TRAPPC9: variants seen among roughly 807,000 people sequenced by gnomAD.
TRAPPC9 encodes the protein IKK2 binding protein.
A neutral mutation model predicts 124.0 loss-of-function variants in TRAPPC9; 83 were observed. That is an observed-to-expected ratio of 0.67 (90% CI 0.56 to 0.80). The LOEUF is 0.80. Among genes scored for constraint, TRAPPC9 ranks in the 30% least tolerant of loss-of-function variants. The pLI, the probability that TRAPPC9 is intolerant of heterozygous loss-of-function variation, is 0.00. For synonymous variants in TRAPPC9, 638 were observed against 617.5 expected, an observed-to-expected ratio of 1.03 and a Z score of -0.49; for missense variants, 1,302 against 1,508.3, an observed-to-expected ratio of 0.86 and a Z score of 2.27.
intron 21 of TRAPPC9, among the ~76,000 whole-genome samples, chr8:139,796,651 A>G (rs1370782619): frequency 3.9e-5 from 6 of 152,224 alleles, no homozygotes; most frequent in Non-Finnish European, 8.8e-5. Context: ...TTATCCATTC[A>G]GCAGCTGATG....
chr8:139,796,067 G>A (rs1195395939), intron 21 of TRAPPC9, among the ~76,000 whole-genome samples: 1 of 124,866 alleles, frequency 8.0e-6, no homozygotes, highest in Non-Finnish European at 1.5e-5. Context: ...AGAGGAAGAA[G>A]AGGAGGAGGA....
intron 17 of TRAPPC9, among the ~76,000 whole-genome samples, chr8:140,051,576 C>CTTTTTTTTTTT (rs1197128988): frequency 1.9e-4 from 17 of 88,004 alleles, no homozygotes; most frequent in East Asian, 3.5e-4. Context: ...ATTGTTCATT[C>CTTTTTTTTTTT]TTTTTTTTTT....
intron 16 of TRAPPC9, among the ~76,000 whole-genome samples, chr8:140,224,508 G>C (rs1335036023): frequency 6.6e-6 from 1 of 152,176 alleles, no homozygotes; most frequent in Non-Finnish European, 1.5e-5. Context: ...GTTCCCCATG[G>C]AGAGTGGATA....
chr8:140,419,422 C>T (rs1327410461), intron 5 of TRAPPC9, among the ~76,000 whole-genome samples: 3 of 109,120 alleles, frequency 2.7e-5, no homozygotes, highest in African/African-American at 1.1e-4. Flanking sequence ...GAGTGAGACT[C>T]CGTCTCAAAA....
intron 17 of TRAPPC9, among the ~76,000 whole-genome samples, chr8:140,132,330 G>A (rs1388583878): frequency 6.6e-6 from 1 of 152,208 alleles, no homozygotes; most frequent in Non-Finnish European, 1.5e-5. Flanking sequence ...CCGAAACCAC[G>A]TAAGACTTCA....
intron 15 of TRAPPC9, 105 bp downstream of exon 15, chr8:140,275,538 GACTTCAACTGAATCC>G: frequency 8.8e-7 from 1 of 1,141,698 alleles, no homozygotes; most frequent in Non-Finnish European, 1.3e-6. Flanking sequence ...GACTTCTACT[GACTTCAACTGAATCC>G]ACAAAGAAGT....
chr8:139,770,969 C>G (rs2130442196), intron 21 of TRAPPC9, among the ~76,000 whole-genome samples: 1 of 152,252 alleles, frequency 6.6e-6, no homozygotes, highest in East Asian at 1.9e-4. Context: ...CGCAGGAGTC[C>G]CTGGACAAGT....
At chr8:140,217,575 C>T (rs2063225632) in intron 17 of TRAPPC9, among the ~76,000 whole-genome samples, 1 of 150,126 alleles carries the variant, frequency 6.7e-6, no homozygotes, top group Non-Finnish European at 1.5e-5. Context: ...AAATATACCC[C>T]CTACAGCTGT....
At chr8:139,923,614 C>G (rs918999980) in intron 19 of TRAPPC9, among the ~76,000 whole-genome samples, 1 of 152,094 alleles carries the variant, frequency 6.6e-6, no homozygotes. Flanking sequence ...GCTTCCCTGA[C>G]GAAGCACGTC....
intron 1 of TRAPPC9, among the ~76,000 whole-genome samples, chr8:140,453,460 T>C (rs894196451): frequency 1.9e-5 from 2 of 106,378 alleles, no homozygotes; most frequent in Non-Finnish European, 4.2e-5. Context: ...GAAATTCTAA[T>C]GGCAAGCTTC....
intron 7 of TRAPPC9, among the ~76,000 whole-genome samples, chr8:140,374,395 C>A (rs1275826275): frequency 1.3e-5 from 2 of 152,122 alleles, no homozygotes; most frequent in Admixed American, 6.6e-5. Flanking sequence ...CATGGAGAAA[C>A]CCCGTCTCTA....
intron 9 of TRAPPC9, among the ~76,000 whole-genome samples, chr8:140,315,122 T>C (rs944368973): frequency 2.6e-5 from 4 of 152,262 alleles, no homozygotes; most frequent in Admixed American, 6.5e-5. Flanking sequence ...TTTTTGATAA[T>C]AGGTATTCCA....
At chr8:139,938,940 C>T (rs966099351) in intron 19 of TRAPPC9, among the ~76,000 whole-genome samples, 6 of 152,346 alleles carry the variant, frequency 3.9e-5, no homozygotes, top group East Asian at 1.9e-4. Context: ...CCACCGCGCC[C>T]GGCCCCGATT....
chr8:140,407,541 AGT>A (rs2069537403), intron 5 of TRAPPC9, among the ~76,000 whole-genome samples: 1 of 152,120 alleles, frequency 6.6e-6, no homozygotes. Context: ...AGAAGGAACA[AGT>A]GCTCCCTCCA....
At chr8:139,859,264 G>A (rs976034846) in intron 21 of TRAPPC9, among the ~76,000 whole-genome samples, 2 of 151,846 alleles carry the variant, frequency 1.3e-5, no homozygotes, top group Admixed American at 1.3e-4. Flanking sequence ...CTCCTGGCTC[G>A]CAGCACCCAG....
chr8:139,824,127 G>A (rs1233943222), intron 21 of TRAPPC9, among the ~76,000 whole-genome samples: 1 of 152,232 alleles, frequency 6.6e-6, no homozygotes, highest in African/African-American at 2.4e-5. Context: ...TTACAAGGGA[G>A]AAAGCAGACT....
intron 16 of TRAPPC9, among the ~76,000 whole-genome samples, chr8:140,250,426 T>C (rs896940375): frequency 1.3e-5 from 2 of 152,130 alleles, no homozygotes; most frequent in African/African-American, 4.8e-5. Flanking sequence ...GAGAATCAAA[T>C]TGGATCCACA....
At chr8:140,223,766 T>A (rs976593844) in intron 16 of TRAPPC9, among the ~76,000 whole-genome samples, 3 of 152,056 alleles carry the variant, frequency 2.0e-5, no homozygotes, top group Non-Finnish European at 2.9e-5. Context: ...CAAAAACACT[T>A]CTCTTAAGCA....
At chr8:140,001,315 C>A (rs1315503561) in intron 18 of TRAPPC9, among the ~76,000 whole-genome samples, 7 of 151,852 alleles carry the variant, frequency 4.6e-5, no homozygotes, top group African/African-American at 1.5e-4. Context: ...GTGCAGCAAA[C>A]CAACATGGCA....
Sources: allele counts gnomAD v4.1 joint callset (sites outside exome capture counted in the v4.1 genomes callset), GRCh38; gene constraint gnomAD v4.1.1; transcripts MANE v1.5; gene names NCBI Gene and HGNC (gene_info 2026-07-23, HGNC 2026-07-21).